Variants in SNCB observed in about 807,000 individuals in gnomAD.
SNCB encodes beta-synuclein.
Under a neutral mutation model 20.0 loss-of-function variants are expected in SNCB, and 8 were observed. The observed-to-expected ratio is 0.40, with a 90% confidence interval of 0.24 to 0.72. The LOEUF (loss-of-function observed/expected upper bound fraction) is 0.72. SNCB is among the 30% of genes least tolerant of loss of function. SNCB has a pLI of 0.37. For missense variants in SNCB, 125 were observed against 168.0 expected, an observed-to-expected ratio of 0.74 and a Z score of 1.41; for synonymous variants, 56 against 65.4, an observed-to-expected ratio of 0.86 and a Z score of 0.69.
intron 4 of SNCB, among the ~76,000 whole-genome samples, chr5:176,625,220 T>C (rs908830852): frequency 4.6e-5 from 7 of 152,234 alleles, no homozygotes; most frequent in African/African-American, 1.4e-4. Flanking sequence ...GGGCATTCAC[T>C]GTATGCAAAC....
At position 176,624,819 on chromosome 5, in the gene SNCB, A is replaced by C. The variant is rs1294494028; in HGVS notation, c.282+1579T>G. Among the ~76,000 whole-genome samples the C allele has an allele frequency of 4.2e-4, 59 of 139,294 alleles. 1 individual carries two copies. The highest frequency in any genetic ancestry group is 5.7e-4 in the Non-Finnish European group (37 of 64,582). The allele number at this position is 139,294 out of a possible 152,430, so 91.4% of individuals were successfully genotyped here. A position where few individuals can be genotyped will look rare whatever the true frequency, so the allele number is the denominator to read the frequency against. On this transcript the variant is annotated intron_variant, in intron 4 of 5. Transcript: ENST00000393693. ...CTCCGTCTCAAAAAAAAAAAAAAAC[A>C]AAAAAAAACAAATGGGAAGTCATAC...
At position 176,626,778 on chromosome 5, in the gene SNCB, C is replaced by T. The variant is rs768680710; in HGVS notation, c.122-17G>A. 1.6e-5 allele frequency: 26 copies of T among 1,614,060 alleles called. 1 individual carries two copies. The highest frequency in any genetic ancestry group is 2.2e-5 in the South Asian group (2 of 91,080). ...TCTTGCTTCCTGCAGGGAGAAAAAG[C>T]GGCACATTTAAGGACTCTGCGCTGA... On this transcript the variant is annotated splice_polypyrimidine_tract_variant and intron_variant, in intron 2 of 5. Coordinates refer to ENST00000393693, the MANE Select transcript of SNCB (RefSeq NM_003085.5). This position sits in a 1 kb window ranked among gnomAD's most constrained non-coding sequence, Gnocchi z 4.2.
In SNCB at chr5:176,621,839, G is replaced by A. The variant is rs1349023580; in HGVS notation, c.283-536C>T. Among the ~76,000 whole-genome samples, 1 of 152,232 alleles carries A rather than the reference G, an allele frequency of 6.6e-6. No individual in the cohort carries two copies. The highest frequency in any genetic ancestry group is 1.5e-5 in the Non-Finnish European group (1 of 68,042). ...ACAGCTCGTGGTGTTGCTTGGATGT[G>A]TGAGCTAAGACTCTCCCCCCCACCC... On this transcript the variant is annotated intron_variant, in intron 4 of 5. Transcript: ENST00000393693. The surrounding 1 kb of genome is among the most constrained non-coding windows in gnomAD (Gnocchi z 4.1).
intron 2 of SNCB, among the ~76,000 whole-genome samples, chr5:176,627,706 C>T (rs887646111): frequency 1.3e-5 from 2 of 152,164 alleles, no homozygotes; most frequent in Admixed American, 1.3e-4. Flanking sequence ...GTTCTCAGGG[C>T]GAAGGCCAAC....
Position 176,626,765 on chromosome 5 carries a change from C to T in SNCB, c.122-4G>A. On this transcript the variant is annotated splice_region_variant and splice_polypyrimidine_tract_variant and intron_variant, in intron 2 of 5. Coordinates refer to ENST00000393693, the MANE Select transcript of SNCB (RefSeq NM_003085.5). The surrounding 1 kb of genome is among the most constrained non-coding windows in gnomAD (Gnocchi z 4.2). Reference sequence around the variant, plus strand: ...ACACCTTCTCGGGTCTTGCTTCCTGCAGGGAGAAAAAGCGGCACATTTAAG... The same window carrying T: ...ACACCTTCTCGGGTCTTGCTTCCTGTAGGGAGAAAAAGCGGCACATTTAAG... 6.2e-7 allele frequency: 1 copy of T among 1,614,156 alleles called. No individual in the cohort carries two copies. Among genetic ancestry groups the T allele is most frequent in the Non-Finnish European group, 8.5e-7 (1 of 1,180,016 alleles).
In SNCB at chr5:176,629,741, C is replaced by G. The variant is rs1760236642; in HGVS notation, c.-9-78G>C. ...AGCCCCTCCCGCGGGACGCAGATGCCCCCCTACTCCCGAGACCGCGGCGCC... is the reference window on the plus strand; with the variant it reads ...AGCCCCTCCCGCGGGACGCAGATGCGCCCCTACTCCCGAGACCGCGGCGCC... On this transcript the variant is annotated intron_variant, in intron 1 of 5. Transcript: ENST00000393693. The surrounding 1 kb of genome is among the most constrained non-coding windows in gnomAD (Gnocchi z 4.1). The G allele has an allele frequency of 3.3e-6, 5 of 1,535,962 alleles. No individual in the cohort carries two copies. Among genetic ancestry groups the G allele is most frequent in the African/African-American group, 2.7e-5 (2 of 73,692 alleles).
At position 176,621,534 on chromosome 5, in the gene SNCB, T is replaced by A. The variant is rs1759599102; in HGVS notation, c.283-231A>T. Reference sequence around the variant, plus strand: ...GGCAGCATGGAGTGGGAGCTGGCTCTCCACGCCGCTCCCCCAATGCCTGGC... The same window carrying A: ...GGCAGCATGGAGTGGGAGCTGGCTCACCACGCCGCTCCCCCAATGCCTGGC... On this transcript the variant is annotated intron_variant, in intron 4 of 5. Transcript: ENST00000393693. This position sits in a 1 kb window ranked among gnomAD's most constrained non-coding sequence, Gnocchi z 4.1. 6.6e-6 allele frequency among the ~76,000 whole-genome samples: 1 copy of A among 152,222 alleles called. No individual in the cohort carries two copies. Among genetic ancestry groups the A allele is most frequent in the South Asian group, 2.1e-4 (1 of 4,830 alleles).
In SNCB at chr5:176,626,299, G is replaced by C. The variant is rs200001829; in HGVS notation, c.282+99C>G. The C allele has an allele frequency of 2.5e-5, 23 of 902,826 alleles. No individual in the cohort carries two copies. The East Asian group carries it at 5.3e-4, about 21-fold the overall frequency. 55.9% of individuals were successfully genotyped at this position (902,826 alleles called of 1,614,324 possible). On this transcript the variant is annotated intron_variant, in intron 4 of 5. Coordinates refer to ENST00000393693, the MANE Select transcript of SNCB (RefSeq NM_003085.5). The surrounding 1 kb of genome is among the most constrained non-coding windows in gnomAD (Gnocchi z 4.2). The stretch of plus-strand genomic sequence containing the variant: ...TGTTCCAAGCTGGTGGCAGGATTAG[G>C]GGGGCGGGGATGGTGACAGGTTTAT...
At chr5:176,625,477 T>G (rs1196281412) in intron 4 of SNCB, among the ~76,000 whole-genome samples, 1 of 152,188 alleles carries the variant, frequency 6.6e-6, no homozygotes, top group African/African-American at 2.4e-5. Flanking sequence ...TCACTCGCAT[T>G]TTACAAGTGA....
In SNCB at chr5:176,624,195, C is replaced by T. The variant is rs914042869; in HGVS notation, c.282+2203G>A. On this transcript the variant is annotated intron_variant, in intron 4 of 5. Transcript: ENST00000393693. ...CACAGCCTGGGGCTGACAGGCTGAACCTGCCTCTCTTTTGCACCCCAGCTC... is the reference window on the plus strand; with the variant it reads ...CACAGCCTGGGGCTGACAGGCTGAATCTGCCTCTCTTTTGCACCCCAGCTC... Among the ~76,000 whole-genome samples the T allele has an allele frequency of 5.3e-5, 8 of 152,338 alleles. No individual in the cohort carries two copies. The East Asian group carries it at 1.5e-3, about 29-fold the overall frequency.
At position 176,629,597 on chromosome 5, in the gene SNCB, C is replaced by T. The variant is rs1228451996; in HGVS notation, c.58G>A (p.Glu20Lys). The T allele has an allele frequency of 6.2e-7, 1 of 1,613,648 alleles. No homozygotes were observed. The highest frequency in any genetic ancestry group is 8.5e-7 in the Non-Finnish European group (1 of 1,179,850). Residue 20 changes from glutamate to lysine, a missense_variant, in exon 2 of 6, where the codon GAG becomes AAG. Glu to Lys is a moderately conservative substitution (Grantham distance 56). Transcript: ENST00000393693. The surrounding 1 kb of genome is among the most constrained non-coding windows in gnomAD (Gnocchi z 4.1). ...MAKEGVVAAA[E>K]KTKQGVTEAA... The stretch of plus-strand genomic sequence containing the variant: ...TCGGTGACCCCCTGCTTGGTTTTCT[C>T]CGCGGCTGCCACAACGCCCTCCTTG...
chr5:176,624,583 C>A (rs993171230), intron 4 of SNCB, among the ~76,000 whole-genome samples: 1 of 152,036 alleles, frequency 6.6e-6, no homozygotes, highest in African/African-American at 2.4e-5. Flanking sequence ...GGTGGATCAC[C>A]TGAGGTCAGG....
At position 176,620,902 on chromosome 5, in the gene SNCB, C is replaced by T; in HGVS notation, c.373-59G>A. On this transcript the variant is annotated intron_variant, in intron 5 of 5. Coordinates refer to ENST00000393693, the MANE Select transcript of SNCB (RefSeq NM_003085.5). The surrounding 1 kb of genome is among the most constrained non-coding windows in gnomAD (Gnocchi z 4.5). ...AGCAAAAAGGAGGAGGAGTTTGAGACCAAGTGGCCAAGCCCCGGCCCAAGA... is the reference window on the plus strand; with the variant it reads ...AGCAAAAAGGAGGAGGAGTTTGAGATCAAGTGGCCAAGCCCCGGCCCAAGA... 6.8e-7 allele frequency: 1 copy of T among 1,464,382 alleles called. No homozygotes were observed. The highest frequency in any genetic ancestry group is 9.6e-7 in the Non-Finnish European group (1 of 1,043,272). 90.7% of individuals were successfully genotyped at this position (1,464,382 alleles called of 1,614,324 possible). A position where few individuals can be genotyped will look rare whatever the true frequency, so the allele number is the denominator to read the frequency against.
rs1206822155 is a variant in SNCB, at chr5:176,620,695, G to C, written c.*116C>G. On this transcript the variant is annotated 3_prime_UTR_variant, in exon 6 of 6. Transcript: ENST00000393693. The surrounding 1 kb of genome is among the most constrained non-coding windows in gnomAD (Gnocchi z 4.5). ...CACAGGCTCCGAGGGGGTTGCCTCAGAGCGGAAGGAAGATCTCGTGATTGG... is the reference window on the plus strand; with the variant it reads ...CACAGGCTCCGAGGGGGTTGCCTCACAGCGGAAGGAAGATCTCGTGATTGG... 2.5e-6 allele frequency: 2 copies of C among 811,918 alleles called. No homozygotes were observed. Among genetic ancestry groups the C allele is most frequent in the African/African-American group, 3.4e-5 (2 of 59,592 alleles). 50.3% of individuals were successfully genotyped at this position (811,918 alleles called of 1,614,324 possible). A position where few individuals can be genotyped will look rare whatever the true frequency, so the allele number is the denominator to read the frequency against.
chr5:176,622,057 A>T (rs1253810908), intron 4 of SNCB, among the ~76,000 whole-genome samples: 1 of 152,238 alleles, frequency 6.6e-6, no homozygotes, highest in Non-Finnish European at 1.5e-5. Context: ...TGGGGCTGGC[A>T]CACGCCTGGG....
chr5:176,628,021 G>A (rs1053192969), intron 2 of SNCB, among the ~76,000 whole-genome samples: 4 of 152,220 alleles, frequency 2.6e-5, no homozygotes, highest in Middle Eastern at 3.2e-3. Context: ...ACAAGGCAGA[G>A]CAATGTGCTT....
intron 4 of SNCB, among the ~76,000 whole-genome samples, chr5:176,622,019 C>T (rs1270447654): frequency 6.6e-6 from 1 of 152,258 alleles, no homozygotes; most frequent in Non-Finnish European, 1.5e-5. Context: ...AGCTTAGGAT[C>T]CATGCACAGC....
In SNCB at chr5:176,626,477, C is replaced by T. The variant is rs754861748; in HGVS notation, c.203G>A (p.Gly68Glu). The T allele has an allele frequency of 2.5e-6, 4 of 1,614,118 alleles. No homozygotes were observed. The Admixed American group carries it at 6.7e-5, about 27-fold the overall frequency. Reference protein sequence around the residue: ...KTKEQASHLGGAVFSGAGNIA... With the variant: ...KTKEQASHLGEAVFSGAGNIA... ...GTTCCCTGCCCCAGAGAACACAGCTCCTCCCAGATGTGAGGCCTGTTCCTT... is the reference window on the plus strand; with the variant it reads ...GTTCCCTGCCCCAGAGAACACAGCTTCTCCCAGATGTGAGGCCTGTTCCTT... Residue 68 changes from glycine to glutamate, a missense_variant, in exon 4 of 6, where the codon GGA becomes GAA. Coordinates refer to ENST00000393693, the MANE Select transcript of SNCB (RefSeq NM_003085.5). This position sits in a 1 kb window ranked among gnomAD's most constrained non-coding sequence, Gnocchi z 4.2.
Position 176,626,912 on chromosome 5 carries a change from C to G in SNCB, c.122-151G>C. The G allele has an allele frequency of 1.2e-6, 1 of 806,856 alleles. No individual in the cohort carries two copies. Among genetic ancestry groups the G allele is most frequent in the Non-Finnish European group, 2.1e-6 (1 of 471,066 alleles). The allele number at this position is 806,856 out of a possible 1,614,324, so 50.0% of individuals were successfully genotyped here. ...ACAACCTGCACCCCCATGTTAACCC[C>G]CGTCTTATCACTGCACTGGGCCCCA... On this transcript the variant is annotated intron_variant, in intron 2 of 5. Transcript: ENST00000393693. This position sits in a 1 kb window ranked among gnomAD's most constrained non-coding sequence, Gnocchi z 4.2.
Sources: gnomAD v4.1 joint callset for allele counts (sites outside exome capture counted in the v4.1 genomes callset) on GRCh38, gnomAD v4.1.1 for gene constraint, Gnocchi (gnomAD v3.1) non-coding constraint, MANE v1.5 for transcripts, NCBI Gene and HGNC (gene_info 2026-07-23, HGNC 2026-07-21) for gene names.